The following GAB3 variants were observed in gnomAD, a reference collection of about 807,000 sequenced individuals.
GAB3 encodes GRB2-associated-binding protein 3.
In GAB3, 12 loss-of-function variants were observed where a neutral mutation model predicts 40.4. The observed-to-expected ratio is 0.30, with a 90% CI of 0.19 to 0.48. The LOEUF is 0.48. Ranked by LOEUF, GAB3 falls within the 20% of genes least tolerant of loss-of-function variation. The pLI is 0.99. For missense variants in GAB3, 381 were observed against 461.9 expected (o/e 0.82, Z 1.61); for synonymous variants, 154 against 176.7 (o/e 0.87, Z 1.02).
At chrX:154,703,198 C>T (rs963730110) in intron 4 of GAB3, among the ~76,000 whole-genome samples, 6 of 111,934 alleles carry the variant, frequency 5.4e-5, no homozygotes, top group Non-Finnish European at 1.1e-4. Flanking sequence ...GACACATGCA[C>T]GCATATGTTC....
At chrX:154,692,644 C>T (rs949897352) in intron 8 of GAB3, among the ~76,000 whole-genome samples, 4 of 111,301 alleles carry the variant, frequency 3.6e-5, no homozygotes, top group Admixed American at 9.5e-5. Context: ...AAAAATTAGC[C>T]GGGCATGGTG....
At position 154,728,272 on chromosome X, in the gene GAB3, T is replaced by G. The variant is rs181090994; in HGVS notation, c.73-11943A>C. Among the ~76,000 whole-genome samples, 7 of 112,200 alleles carry G rather than the reference T, an allele frequency of 6.2e-5. No individual in the cohort carries two copies. In the East Asian group the frequency reaches 1.7e-3, roughly 27 times the overall value. Reference sequence around the variant, plus strand: ...ATTTGGAGCTCTACGTTTTGATCCTTCAATACTGCTGTCATTTCAGCAATG... The same window carrying G: ...ATTTGGAGCTCTACGTTTTGATCCTGCAATACTGCTGTCATTTCAGCAATG... On this transcript the variant is annotated intron_variant, in intron 1 of 9. Coordinates refer to ENST00000424127, the MANE Select transcript of GAB3 (RefSeq NM_001081573.3).
At chrX:154,679,999 A>G (rs1426671547) in intron 9 of GAB3, 133 bp downstream of exon 9, 2 of 481,284 alleles carry the variant, frequency 4.2e-6, no homozygotes, top group Non-Finnish European at 7.2e-6. Context: ...ATGAGGGCCG[A>G]TTTTAATATT....
chrX:154,692,510 G>A (rs976215575), intron 8 of GAB3, among the ~76,000 whole-genome samples: 6 of 112,208 alleles, frequency 5.3e-5, no homozygotes, highest in African/African-American at 9.7e-5. Context: ...TAAATAGGTC[G>A]GGTGTGATGG....
At chrX:154,735,588 A>G (rs1312203759) in intron 1 of GAB3, among the ~76,000 whole-genome samples, 1 of 111,179 alleles carries the variant, frequency 9.0e-6, no homozygotes, top group Non-Finnish European at 1.9e-5. Flanking sequence ...CCATCAGAAA[A>G]TCTTACCGGT....
intron 4 of GAB3, among the ~76,000 whole-genome samples, chrX:154,708,340 T>C (rs2070848437): frequency 8.9e-6 from 1 of 112,290 alleles, no homozygotes; most frequent in Admixed American, 9.4e-5. Flanking sequence ...TTGGATATGA[T>C]TCCAAATGCA....
intron 1 of GAB3, among the ~76,000 whole-genome samples, chrX:154,723,435 G>GT (rs2071166951): frequency 1.8e-5 from 2 of 111,800 alleles, no homozygotes; most frequent in African/African-American, 6.5e-5. Context: ...TAAGAGATAA[G>GT]TAGAGGGGTC....
At chrX:154,712,777 C>T in intron 3 of GAB3, 76 bp from the exon 4 acceptor site, 1 of 586,696 alleles carries the variant, frequency 1.7e-6, no homozygotes, top group Admixed American at 4.4e-5. Context: ...GGCCTCATTC[C>T]CATCTCCCCA....
chrX:154,742,129 A>C (rs1434305021), intron 1 of GAB3, among the ~76,000 whole-genome samples: 1 of 112,594 alleles, frequency 8.9e-6, no homozygotes. Context: ...GAAATTACAC[A>C]ATACATTTCT....
chrX:154,709,393 T>C (rs2070881493), intron 4 of GAB3, among the ~76,000 whole-genome samples: 3 of 107,029 alleles, frequency 2.8e-5, no homozygotes, highest in Non-Finnish European at 5.8e-5. Context: ...TGATCTTGGC[T>C]CACTGCAAAC....
intron 4 of GAB3, among the ~76,000 whole-genome samples, chrX:154,709,892 G>C (rs782016003): frequency 1.8e-5 from 2 of 111,690 alleles, no homozygotes; most frequent in South Asian, 7.5e-4. Flanking sequence ...ATCTAAAAAA[G>C]TCAAACTCAT....
At chrX:154,712,132 CA>C (rs1557256160) in intron 4 of GAB3, 96 bp downstream of exon 4, 1 of 590,648 alleles carries the variant, frequency 1.7e-6, no homozygotes, top group Non-Finnish European at 2.7e-6. Flanking sequence ...AACCCAGCCC[CA>C]TCGTTTTGGT....
chrX:154,678,592 C>T (rs1044282255), intron 9 of GAB3, among the ~76,000 whole-genome samples: 1 of 111,785 alleles, frequency 8.9e-6, no homozygotes, highest in African/African-American at 3.3e-5. Context: ...TGGCTGTGCC[C>T]CCACTCAAAT....
chrX:154,731,557 G>A (rs1245176358), intron 1 of GAB3, among the ~76,000 whole-genome samples: 3 of 111,674 alleles, frequency 2.7e-5, no homozygotes, highest in Non-Finnish European at 5.6e-5. Context: ...GTCCCCTTAC[G>A]CGTGATTAAA....
intron 8 of GAB3, among the ~76,000 whole-genome samples, chrX:154,691,822 G>A (rs2070573316): frequency 8.9e-6 from 1 of 111,831 alleles, no homozygotes; most frequent in Non-Finnish European, 1.9e-5. Context: ...CTGGCATAAG[G>A]ATAGACATAT....
chrX:154,709,168 T>C (rs1372510411), intron 4 of GAB3, among the ~76,000 whole-genome samples: 4 of 110,691 alleles, frequency 3.6e-5, no homozygotes, highest in Middle Eastern at 4.6e-3. Context: ...GCTCCAGCCA[T>C]GTAAGACATG....
At chrX:154,733,830 T>A (rs2071327703) in intron 1 of GAB3, among the ~76,000 whole-genome samples, 1 of 112,434 alleles carries the variant, frequency 8.9e-6, no homozygotes, top group African/African-American at 3.2e-5. Context: ...TAATTTGGTA[T>A]AAGGGTCATA....
intron 8 of GAB3, among the ~76,000 whole-genome samples, chrX:154,689,963 A>G (rs1557248903): frequency 9.1e-6 from 1 of 109,544 alleles, no homozygotes; most frequent in African/African-American, 3.3e-5. Flanking sequence ...CGCCAAGTCA[A>G]TCCTGAGCCA....
chrX:154,685,683 C>A (rs1193074689), intron 8 of GAB3, among the ~76,000 whole-genome samples: 2 of 111,255 alleles, frequency 1.8e-5, no homozygotes, highest in African/African-American at 3.3e-5. Context: ...AAAGCTACAG[C>A]AACTAAGGGA....
Sources: allele counts gnomAD v4.1 joint callset (sites outside exome capture counted in the v4.1 genomes callset), GRCh38; gene constraint gnomAD v4.1.1; transcripts MANE v1.5; gene names NCBI Gene and HGNC (gene_info 2026-07-23, HGNC 2026-07-21).